ANKRD6: variants seen among roughly 807,000 people sequenced by gnomAD.
ANKRD6 encodes the protein ankyrin repeat domain-containing protein 6.
Under a neutral mutation model 82.3 loss-of-function variants are expected in ANKRD6, and 56 were observed. The ratio of observed to expected loss-of-function variants is 0.68; its 90% confidence interval spans 0.55 to 0.85. The LOEUF (loss-of-function observed/expected upper bound fraction) is 0.85. ANKRD6 is among the 40% of genes least tolerant of loss of function. ANKRD6 has a pLI of 0.00. For missense variants in ANKRD6, 852 were observed against 907.6 expected (o/e 0.94, Z 0.79); for synonymous variants, 347 against 352.1 (o/e 0.99, Z 0.16).
chr6:89,483,893 C>CCT (rs935551419), intron 1 of ANKRD6, among the ~76,000 whole-genome samples: 1 of 151,912 alleles, frequency 6.6e-6, no homozygotes, highest in Non-Finnish European at 1.5e-5. Flanking sequence ...CTGTAGTCCT[C>CCT]CTCTCTCTCT....
At chr6:89,468,679 T>A (rs1226676676) in intron 1 of ANKRD6, among the ~76,000 whole-genome samples, 1 of 147,130 alleles carries the variant, frequency 6.8e-6, no homozygotes, top group Non-Finnish European at 1.5e-5. Context: ...AAAACTCCCC[T>A]CATTCAAAGG....
chr6:89,632,305 C>CAGTT lies in ANKRD6; in HGVS notation c.*1302_*1305dup, dbSNP rs1400393086. The CAGTT allele has an allele frequency of 6.6e-6, 1 of 151,984 alleles. No individual in the cohort carries two copies. Among genetic ancestry groups the CAGTT allele is most frequent in the Admixed American group, 6.6e-5 (1 of 15,258 alleles). 9.4% of individuals were successfully genotyped at this position (151,984 alleles called of 1,614,324 possible). A position where few individuals can be genotyped will look rare whatever the true frequency, so the allele number is the denominator to read the frequency against. ...ATGCTTTTATTCCCTTTGTCAAGCT[C>CAGTT]AGTTTTAGGGTTTTTTCTTTTTTTT... On this transcript the variant is annotated 3_prime_UTR_variant, in exon 16 of 16. Transcript: ENST00000339746.
At chr6:89,560,986 T>G (rs1240208890) in intron 1 of ANKRD6, 1 of 152,264 alleles carries the variant, frequency 6.6e-6, no homozygotes, top group Non-Finnish European at 1.5e-5. Context: ...TGCCCAGCCC[T>G]GACTTGGAGG....
intron 3 of ANKRD6, chr6:89,597,984 G>A (rs9362664): frequency 0.74 from 323,787 of 435,384 alleles, 124,310 homozygotes; most frequent in Non-Finnish European, 0.8. Flanking sequence ...AAAGAATCTA[G>A]GAGATCAGTT....
At chr6:89,533,790 A>G (rs1211168260) in intron 1 of ANKRD6, among the ~76,000 whole-genome samples, 1 of 148,920 alleles carries the variant, frequency 6.7e-6, no homozygotes, top group Non-Finnish European at 1.5e-5. Context: ...CTCCATGACC[A>G]GTGTACTCCC....
At chr6:89,472,869 C>T (rs937955171) in intron 1 of ANKRD6, among the ~76,000 whole-genome samples, 10 of 152,182 alleles carry the variant, frequency 6.6e-5, no homozygotes, top group African/African-American at 2.4e-4. Flanking sequence ...GCCTCCCATC[C>T]ACCCCCATGG....
chr6:89,521,581 T>A (rs1583061639), intron 1 of ANKRD6, among the ~76,000 whole-genome samples: 1 of 152,138 alleles, frequency 6.6e-6, no homozygotes. Context: ...GTGGCCTCAA[T>A]GAGAAGAAGC....
At chr6:89,575,434 A>G (rs1404064484) in intron 2 of ANKRD6, among the ~76,000 whole-genome samples, 3 of 152,132 alleles carry the variant, frequency 2.0e-5, no homozygotes, top group African/African-American at 7.2e-5. Flanking sequence ...TTTGAGCCCC[A>G]ACACTGGTAA....
chr6:89,459,778 C>G (rs77502852), intron 1 of ANKRD6, among the ~76,000 whole-genome samples: 7,147 of 152,240 alleles, frequency 0.047, 237 homozygotes, highest in South Asian at 0.13. Flanking sequence ...GCTGGAAATA[C>G]AGGTACAAGC....
chr6:89,573,217 A>C (rs4707550), intron 2 of ANKRD6, among the ~76,000 whole-genome samples: 2 of 152,014 alleles, frequency 1.3e-5, no homozygotes, highest in African/African-American at 2.4e-5. Flanking sequence ...TATTGTGACT[A>C]TGTAAATGCT....
intron 1 of ANKRD6, among the ~76,000 whole-genome samples, chr6:89,513,243 A>G (rs534163254): frequency 2.0e-5 from 3 of 152,344 alleles, no homozygotes; most frequent in Admixed American, 2.0e-4. Context: ...ATTAAAATAT[A>G]TACCAAATGA....
intron 1 of ANKRD6, among the ~76,000 whole-genome samples, chr6:89,466,629 G>A (rs1476986542): frequency 2.6e-5 from 4 of 152,030 alleles, no homozygotes; most frequent in African/African-American, 9.7e-5. Context: ...TGAATTTTTT[G>A]TGCACATTTT....
At chr6:89,445,733 T>G (rs1391893381) in intron 1 of ANKRD6, among the ~76,000 whole-genome samples, 5 of 151,892 alleles carry the variant, frequency 3.3e-5, no homozygotes, top group African/African-American at 4.8e-5. Context: ...CGTAAGCCAC[T>G]GCGCCTGGCT....
At chr6:89,498,257 A>G (rs1778861737) in intron 1 of ANKRD6, among the ~76,000 whole-genome samples, 1 of 152,186 alleles carries the variant, frequency 6.6e-6, no homozygotes, top group South Asian at 2.1e-4. Flanking sequence ...ATATTTTAAT[A>G]TATGCATTTG....
At chr6:89,492,051 C>T (rs367984309) in intron 1 of ANKRD6, among the ~76,000 whole-genome samples, 3 of 152,210 alleles carry the variant, frequency 2.0e-5, no homozygotes, top group South Asian at 2.1e-4. Flanking sequence ...AAGACTCCCA[C>T]GTCACCTAAA....
At position 89,632,837 on chromosome 6, in the gene ANKRD6, T is replaced by C. The variant is rs1807676048; in HGVS notation, c.*1833T>C. On this transcript the variant is annotated 3_prime_UTR_variant, in exon 16 of 16. Coordinates refer to ENST00000339746, the MANE Select transcript of ANKRD6 (RefSeq NM_001242809.2). ...TCTCAAACAGGATATCACTAACCTC[T>C]TTAGAATCATTCCTCAGTATACATC... 1 of 152,212 alleles carries C rather than the reference T, an allele frequency of 6.6e-6. No homozygotes were observed. The highest frequency in any genetic ancestry group is 1.5e-5 in the Non-Finnish European group (1 of 68,036). The allele number at this position is 152,212 out of a possible 1,614,324, so 9.4% of individuals were successfully genotyped here. A position where few individuals can be genotyped will look rare whatever the true frequency, so the allele number is the denominator to read the frequency against.
intron 9 of ANKRD6, among the ~76,000 whole-genome samples, chr6:89,618,683 A>G (rs1802240159): frequency 6.6e-6 from 1 of 152,222 alleles, no homozygotes; most frequent in Non-Finnish European, 1.5e-5. Flanking sequence ...TCCACAAAAT[A>G]GATGAAACAG....
intron 6 of ANKRD6, among the ~76,000 whole-genome samples, chr6:89,612,822 G>A (rs962824696): frequency 5.9e-5 from 9 of 152,190 alleles, no homozygotes; most frequent in African/African-American, 2.2e-4. Flanking sequence ...GGCGTCCTTG[G>A]GATGAGCTGA....
At chr6:89,455,802 C>T (rs1189349322) in intron 1 of ANKRD6, among the ~76,000 whole-genome samples, 2 of 152,052 alleles carry the variant, frequency 1.3e-5, no homozygotes, top group African/African-American at 2.4e-5. Flanking sequence ...GCTTCCTGTA[C>T]AGCCTGCAGA....
Sources: allele counts gnomAD v4.1 joint callset (sites outside exome capture counted in the v4.1 genomes callset), GRCh38; gene constraint gnomAD v4.1.1; transcripts MANE v1.5; gene names NCBI Gene and HGNC (gene_info 2026-07-23, HGNC 2026-07-21).